The following ADCY10 variants were observed in gnomAD, a reference collection of about 807,000 sequenced individuals.
The protein encoded by ADCY10 is adenylate cyclase 10.
In ADCY10, 156 loss-of-function variants were observed where a neutral mutation model predicts 183.3. That is an observed-to-expected ratio of 0.85 (90% CI 0.75 to 0.97). The LOEUF is 0.97. Ranked by LOEUF, ADCY10 falls within the 50% of genes least tolerant of loss-of-function variation. The pLI, the probability that ADCY10 is intolerant of heterozygous loss-of-function variation, is 0.00. For missense variants in ADCY10, 1,745 were observed against 1,934.3 expected (o/e 0.90, Z 1.84); for synonymous variants, 645 against 670.0 (o/e 0.96, Z 0.58).
intron 17 of ADCY10, 43 bp from the exon 18 acceptor site, chr1:167,854,532 C>T (rs1665747925): frequency 1.2e-6 from 2 of 1,609,932 alleles, no homozygotes; most frequent in Admixed American, 1.7e-5. Context: ...GAAGATACAT[C>T]TTTTAGGAAG....
At chr1:167,848,611 C>T in intron 18 of ADCY10, 122 bp from the exon 19 acceptor site, 15 of 1,099,900 alleles carry the variant, frequency 1.4e-5, no homozygotes, top group Non-Finnish European at 2.0e-5. Context: ...TATATTGGCT[C>T]ACCAAATATT....
At chr1:167,867,268 T>A (rs544941105) in intron 14 of ADCY10, among the ~76,000 whole-genome samples, 140 of 152,090 alleles carry the variant, frequency 9.2e-4, no homozygotes, top group Non-Finnish European at 1.8e-3. Context: ...CTCTGCAAAG[T>A]GACTCAGAAA....
At chr1:167,904,082 C>CTTTTTTTTTTT (rs879025060) in intron 2 of ADCY10, 91 bp from the exon 3 acceptor site, 1 of 297,148 alleles carries the variant, frequency 3.4e-6, no homozygotes, top group Non-Finnish European at 5.9e-6. Context: ...CGGGCCTCAG[C>CTTTTTTTTTTT]TTTTTTTTTT....
chr1:167,818,116 C>A lies in ADCY10; in HGVS notation c.4438G>T (p.Glu1480Ter), dbSNP rs1662641163. Residue 1480 changes from glutamate to a stop codon, truncating the protein, a stop_gained, in exon 31 of 33, where the codon GAA becomes TAA. Coordinates refer to ENST00000367851, the MANE Select transcript of ADCY10 (RefSeq NM_018417.6). LOFTEE classifies it high-confidence loss of function. ...QVLHLQKQIKEQSENAQASGE... is the reference protein window; with the variant it reads ...QVLHLQKQIK ...CTGGCTTGGGCATTCTCTGACTGTTCTTTGATTTGTTTTTGAAGGTGAAGA... is the reference window on the plus strand; with the variant it reads ...CTGGCTTGGGCATTCTCTGACTGTTATTTGATTTGTTTTTGAAGGTGAAGA... 1.2e-6 allele frequency: 2 copies of A among 1,614,164 alleles called. No individual in the cohort carries two copies. The highest frequency in any genetic ancestry group is 8.5e-7 in the Non-Finnish European group (1 of 1,180,028).
intron 26 of ADCY10, among the ~76,000 whole-genome samples, chr1:167,828,062 A>C (rs996909875): frequency 2.0e-5 from 3 of 152,224 alleles, no homozygotes; most frequent in African/African-American, 7.2e-5. Context: ...AGACCTTAAA[A>C]TGGGCAAAAA....
At chr1:167,888,599 G>T (rs1668384435) in intron 8 of ADCY10, among the ~76,000 whole-genome samples, 1 of 152,010 alleles carries the variant, frequency 6.6e-6, no homozygotes, top group Non-Finnish European at 1.5e-5. Flanking sequence ...TTTTTGGGCC[G>T]GGCGCGGTGG....
chr1:167,818,029 T>C (rs1443818239), intron 31 of ADCY10, 43 bp downstream of exon 31: 9 of 1,554,282 alleles, frequency 5.8e-6, no homozygotes, highest in Non-Finnish European at 8.0e-6. Context: ...CAGAGATCCA[T>C]TTAAGGCATA....
intron 13 of ADCY10, among the ~76,000 whole-genome samples, chr1:167,872,731 T>C (rs924221673): frequency 1.3e-5 from 2 of 149,718 alleles, no homozygotes; most frequent in African/African-American, 4.9e-5. Flanking sequence ...GATCTTTATG[T>C]CATACTGGTG....
In ADCY10 at chr1:167,843,752, C is replaced by T. The variant is rs77191351; in HGVS notation, c.3007+1811G>A. Among the ~76,000 whole-genome samples the T allele has an allele frequency of 4.2e-3, 640 of 152,326 alleles. 4 individuals carry two copies. Among genetic ancestry groups the T allele is most frequent in the Middle Eastern group, 0.024 (7 of 294 alleles). On this transcript the variant is annotated intron_variant, in intron 21 of 32. Transcript: ENST00000367851. ...ATCCCAATGCAGCCACAGGCCACTTCAGCCTTCTTAGGCATGAGGCAGGCC... is the reference window on the plus strand; with the variant it reads ...ATCCCAATGCAGCCACAGGCCACTTTAGCCTTCTTAGGCATGAGGCAGGCC...
chr1:167,859,778 C>T (rs1260880870), intron 16 of ADCY10, 29 bp downstream of exon 16: 1 of 1,555,488 alleles, frequency 6.4e-7, no homozygotes, highest in Non-Finnish European at 8.9e-7. Flanking sequence ...TTTTCTTCCC[C>T]CTACTTCTTG....
rs869083786 is a variant in ADCY10 at position 167,906,622 on chromosome 1, C to CA, written c.-58-1425dup. ...GCAACATAGTGAAATCCCATCTCTA[C>CA]AAAAAAAAAAAAAAAAAATTGCTGG... On this transcript the variant is annotated intron_variant, in intron 1 of 32. Coordinates refer to ENST00000367851, the MANE Select transcript of ADCY10 (RefSeq NM_018417.6). 7.0e-3 allele frequency among the ~76,000 whole-genome samples: 767 copies of CA among 109,480 alleles called. 2 individuals carry two copies. The highest frequency in any genetic ancestry group is 0.011 in the East Asian group (37 of 3,484). The allele number at this position is 109,480 out of a possible 152,430, so 71.8% of individuals were successfully genotyped here.
At chr1:167,851,023 G>T (rs1388314309) in intron 18 of ADCY10, among the ~76,000 whole-genome samples, 2 of 152,086 alleles carry the variant, frequency 1.3e-5, no homozygotes, top group South Asian at 2.1e-4. Flanking sequence ...CCCTACTCAG[G>T]TTCGCCTGTT....
intron 7 of ADCY10, among the ~76,000 whole-genome samples, chr1:167,895,628 T>C (rs1668918608): frequency 6.6e-6 from 1 of 152,202 alleles, no homozygotes; most frequent in African/African-American, 2.4e-5. Flanking sequence ...TTTGTTTGTT[T>C]TTTATGAATT....
rs557503322 is a variant in ADCY10 at position 167,901,564 on chromosome 1, C to T, written c.436+98G>A. Reference sequence around the variant, plus strand: ...AGTTCAGGGCATCATGGGGCTGAGCCACCATGTTCTACTACTTCTCTTTGG... The same window carrying T: ...AGTTCAGGGCATCATGGGGCTGAGCTACCATGTTCTACTACTTCTCTTTGG... On this transcript the variant is annotated intron_variant, in intron 5 of 32. Transcript: ENST00000367851. 36 of 1,267,106 alleles carry T rather than the reference C, an allele frequency of 2.8e-5. No homozygotes were observed. In the South Asian group the frequency reaches 3.9e-4, roughly 14 times the overall value. The allele number at this position is 1,267,106 out of a possible 1,614,324, so 78.5% of individuals were successfully genotyped here. A position where few individuals can be genotyped will look rare whatever the true frequency, so the allele number is the denominator to read the frequency against.
chr1:167,887,261 G>C (rs1668291781), intron 8 of ADCY10, among the ~76,000 whole-genome samples: 1 of 152,168 alleles, frequency 6.6e-6, no homozygotes, highest in African/African-American at 2.4e-5. Context: ...GTTTATTGTG[G>C]CACTATTCAC....
intron 3 of ADCY10, among the ~76,000 whole-genome samples, chr1:167,903,225 C>A (rs1381494868): frequency 1.3e-5 from 2 of 151,574 alleles, no homozygotes; most frequent in African/African-American, 2.4e-5. Flanking sequence ...CACTGCACTC[C>A]AGCCTGGGAG....
intron 1 of ADCY10, among the ~76,000 whole-genome samples, chr1:167,908,455 C>A (rs73024111): frequency 0.11 from 17,225 of 151,864 alleles, 1,155 homozygotes; most frequent in African/African-American, 0.18. Context: ...TCAATTAGAC[C>A]CAATGAAAAA....
intron 7 of ADCY10, among the ~76,000 whole-genome samples, chr1:167,895,388 A>G (rs983785214): frequency 6.6e-6 from 1 of 151,288 alleles, no homozygotes; most frequent in African/African-American, 2.4e-5. Context: ...CAGTCTCCCC[A>G]CTCCCCACCC....
intron 31 of ADCY10, among the ~76,000 whole-genome samples, chr1:167,813,093 G>A (rs1307880782): frequency 1.3e-5 from 2 of 152,020 alleles, no homozygotes; most frequent in East Asian, 3.8e-4. Flanking sequence ...AATATTTGAA[G>A]AAATAATGGT....
Sources: gnomAD v4.1 joint callset for allele counts (sites outside exome capture counted in the v4.1 genomes callset) on GRCh38, gnomAD v4.1.1 for gene constraint, MANE v1.5 for transcripts, NCBI Gene and HGNC (gene_info 2026-07-23, HGNC 2026-07-21) for gene names.